Variants in ANAPC2 observed in about 807,000 individuals in gnomAD.
ANAPC2 encodes the protein anaphase promoting complex subunit 2, also known as anaphase-promoting complex subunit 2.
Under a neutral mutation model 84.3 loss-of-function variants are expected in ANAPC2, and 29 were observed. That is an observed-to-expected ratio of 0.34 (90% CI 0.26 to 0.47). The LOEUF is 0.47. ANAPC2 is among the 20% of genes least tolerant of loss of function. The pLI, the probability that ANAPC2 is intolerant of heterozygous loss-of-function variation, is 1.00. For synonymous variants in ANAPC2, 571 were observed against 479.4 expected, an observed-to-expected ratio of 1.19 and a Z score of -2.50; for missense variants, 857 against 1,131.7, an observed-to-expected ratio of 0.76 and a Z score of 3.48.
chr9:137,186,108 G>C, intron 3 of ANAPC2, 116 bp downstream of exon 3: 2 of 1,455,736 alleles, frequency 1.4e-6, no homozygotes, highest in South Asian at 2.6e-5. Flanking sequence ...GCCACCACCC[G>C]GTCTGGGCCC....
intron 2 of ANAPC2, 153 bp downstream of exon 2, chr9:137,187,328 G>T: frequency 1.0e-6 from 1 of 962,854 alleles, no homozygotes; most frequent in Non-Finnish European, 1.5e-6. Context: ...CTGTGTCCAG[G>T]ACACGCTGCA....
chr9:137,183,312 G>T, intron 5 of ANAPC2, 70 bp from the exon 6 acceptor site: 2 of 1,302,718 alleles, frequency 1.5e-6, no homozygotes, highest in Non-Finnish European at 1.1e-6. Flanking sequence ...CAACACCCGA[G>T]TAGACAGCTG....
chr9:137,182,251 G>A (rs1187076899), intron 6 of ANAPC2, among the ~76,000 whole-genome samples: 1 of 152,150 alleles, frequency 6.6e-6, no homozygotes, highest in Non-Finnish European at 1.5e-5. Flanking sequence ...GGTGGCTCAC[G>A]CCTGTAATCC....
rs368688077 is a variant in ANAPC2, at chr9:137,175,476, C to T, written c.2021-4G>A. ...AGTTCCTCCAGGGTCCAGCTGGCTG[C>T]GTGCAGAGTCACCGGGACGCTGGGC... On this transcript the variant is annotated splice_region_variant and splice_polypyrimidine_tract_variant and intron_variant, in intron 11 of 12. Coordinates refer to ENST00000323927, the MANE Select transcript of ANAPC2 (RefSeq NM_013366.4). 1.9e-4 allele frequency: 296 copies of T among 1,554,964 alleles called. 1 individual carries two copies. The highest frequency in any genetic ancestry group is 3.2e-4 in the South Asian group (27 of 85,438).
chr9:137,176,910 G>A (rs1224740679), intron 10 of ANAPC2: 4 of 152,290 alleles, frequency 2.6e-5, no homozygotes, highest in African/African-American at 9.6e-5. Flanking sequence ...AATCAGTGAG[G>A]CAGGGACCAT....
At position 137,181,815 on chromosome 9, in the gene ANAPC2, TC is replaced by T; in HGVS notation, c.1333del (p.Asp445ThrfsTer101). On this transcript the variant is annotated frameshift_variant, in exon 7 of 13. Coordinates refer to ENST00000323927, the MANE Select transcript of ANAPC2 (RefSeq NM_013366.4). LOFTEE classifies it high-confidence loss of function. ...AGCCAGGTCCCCTGTCCCGTCCGAG[TC>T]CCCCGTCAGCCCAGCCACAATCTGC... ...VRQIVAGLTG[D>X]SDGTGDLAVE... is the part of the protein sequence containing the mutation. The T allele has an allele frequency of 6.2e-7, 1 of 1,607,358 alleles. No individual in the cohort carries two copies.
chr9:137,187,773 G>T lies in ANAPC2; in HGVS notation c.448C>A (p.Arg150=). The T allele has an allele frequency of 6.2e-7, 1 of 1,613,652 alleles. No homozygotes were observed. Among genetic ancestry groups the T allele is most frequent in the Non-Finnish European group, 8.5e-7 (1 of 1,180,034 alleles). Residue 150 remains arginine (R), a synonymous_variant, in exon 2 of 13, where the codon CGA becomes AGA. Coordinates refer to ENST00000323927, the MANE Select transcript of ANAPC2 (RefSeq NM_013366.4). Reference sequence around the variant, plus strand: ...CGCAACATAGTGTGGACTTCTTCTCGCAGCCCCTGAGCACCAGTGCCCATC... The same window carrying T: ...CGCAACATAGTGTGGACTTCTTCTCTCAGCCCCTGAGCACCAGTGCCCATC... ...LLMGTGAQGL[R]EEVHTMLRGV...
intron 10 of ANAPC2, among the ~76,000 whole-genome samples, chr9:137,179,125 G>A (rs1158419720): frequency 6.6e-6 from 1 of 152,188 alleles, no homozygotes; most frequent in African/African-American, 2.4e-5. Flanking sequence ...CCTCCTGCCT[G>A]GGCCGAGGCT....
chr9:137,181,669 G>A lies in ANAPC2; in HGVS notation c.1468+12C>T. ...CCACACTGGTGAAAGGGACCATGTGGGGCAAGCTAACCTGGATCGGCATCC... is the reference window on the plus strand; with the variant it reads ...CCACACTGGTGAAAGGGACCATGTGAGGCAAGCTAACCTGGATCGGCATCC... On this transcript the variant is annotated intron_variant, in intron 7 of 12. Coordinates refer to ENST00000323927, the MANE Select transcript of ANAPC2 (RefSeq NM_013366.4). 2 of 1,581,954 alleles carry A rather than the reference G, an allele frequency of 1.3e-6. No homozygotes were observed. Among genetic ancestry groups the A allele is most frequent in the Middle Eastern group, 1.8e-4 (1 of 5,488 alleles).
intron 10 of ANAPC2, among the ~76,000 whole-genome samples, chr9:137,179,417 G>A (rs1834293923): frequency 6.6e-6 from 1 of 152,136 alleles, no homozygotes; most frequent in South Asian, 2.1e-4. Flanking sequence ...CCTCCCACCT[G>A]ACTATGAGCT....
intron 8 of ANAPC2, 48 bp downstream of exon 8, chr9:137,180,740 C>CA (rs1420904954): frequency 6.3e-7 from 1 of 1,592,776 alleles, no homozygotes; most frequent in African/African-American, 1.3e-5. Flanking sequence ...AGAGGCTGGG[C>CA]AAAGGCCCCG....
chr9:137,188,228 T>C (rs1834522058), intron 1 of ANAPC2, 125 bp from the exon 2 acceptor site: 11 of 1,381,362 alleles, frequency 8.0e-6, no homozygotes, highest in South Asian at 1.4e-5. Flanking sequence ...TGCCCGGACG[T>C]TGGGCCGAAG....
Position 137,181,807 on chromosome 9 carries a change from C to T in ANAPC2, c.1342G>A (p.Gly448Arg), listed in dbSNP as rs772824308. 1.4e-5 allele frequency: 22 copies of T among 1,609,278 alleles called. No individual in the cohort carries two copies. Among genetic ancestry groups the T allele is most frequent in the African/African-American group, 2.7e-5 (2 of 74,914 alleles). The part of the protein sequence containing the change: ...IVAGLTGDSD[G>R]TGDLAVELSK... ...AGCTCAACAGCCAGGTCCCCTGTCC[C>T]GTCCGAGTCCCCCGTCAGCCCAGCC... Residue 448 changes from glycine to arginine, a missense_variant, in exon 7 of 13, where the codon GGG becomes AGG. Around this residue, in one of 3 missense-constraint regions of ANAPC2, gnomAD observed 425 missense variants for 595.5 expected, o/e 0.71. Coordinates refer to ENST00000323927, the MANE Select transcript of ANAPC2 (RefSeq NM_013366.4).
chr9:137,180,687 C>A, intron 8 of ANAPC2, 101 bp downstream of exon 8: 1 of 1,569,720 alleles, frequency 6.4e-7, no homozygotes, highest in Non-Finnish European at 8.6e-7. Flanking sequence ...GGAAGCACAG[C>A]TCCAACCAGG....
rs778126959 is a variant in ANAPC2, at chr9:137,183,662, CA to C, written c.1168+9del. 6.2e-7 allele frequency: 1 copy of C among 1,609,022 alleles called. No individual in the cohort carries two copies. The highest frequency in any genetic ancestry group is 8.5e-7 in the Non-Finnish European group (1 of 1,178,054). ...CCCAGAGTGCTGGGTGGCCGGGCAG[CA>C]CACAGCACCTGGATGCAGGAGCCGA... On this transcript the variant is annotated intron_variant, in intron 5 of 12. Coordinates refer to ENST00000323927, the MANE Select transcript of ANAPC2 (RefSeq NM_013366.4).
chr9:137,176,712 A>G (rs557876813), intron 10 of ANAPC2: 5 of 152,396 alleles, frequency 3.3e-5, no homozygotes, highest in African/African-American at 9.6e-5. Context: ...GAGGTCTCAG[A>G]TGGAAATGAC....
chr9:137,186,464 A>G, intron 2 of ANAPC2, 108 bp from the exon 3 acceptor site: 1 of 1,369,282 alleles, frequency 7.3e-7, no homozygotes, highest in Non-Finnish European at 9.8e-7. Context: ...TGCAGCACAC[A>G]CACACACACA....
intron 7 of ANAPC2, 120 bp from the exon 8 acceptor site, chr9:137,181,049 G>A (rs970185111): frequency 2.7e-5 from 37 of 1,354,536 alleles, no homozygotes; most frequent in Non-Finnish European, 3.5e-5. Context: ...GAAGGCCCTC[G>A]AGGCTGGGAG....
intron 1 of ANAPC2, 95 bp from the exon 2 acceptor site, chr9:137,188,198 C>T (rs569007066): frequency 2.7e-6 from 4 of 1,473,982 alleles, no homozygotes; most frequent in East Asian, 4.7e-5. Flanking sequence ...TGCAAAAACT[C>T]CGCTGCCCCC....
Sources: allele counts gnomAD v4.1 joint callset (sites outside exome capture counted in the v4.1 genomes callset), GRCh38; gene constraint gnomAD v4.1.1; regional missense constraint gnomAD v4.1.1; transcripts MANE v1.5; gene names NCBI Gene and HGNC (gene_info 2026-07-23, HGNC 2026-07-21).